PDE5A: variants seen among roughly 807,000 people sequenced by gnomAD.
PDE5A encodes phosphodiesterase 5A.
In PDE5A, 67 loss-of-function variants were observed where a neutral mutation model predicts 110.2. That is an observed-to-expected ratio of 0.61 (90% CI 0.50 to 0.75). The LOEUF (loss-of-function observed/expected upper bound fraction) is 0.75. Ranked by LOEUF, PDE5A falls within the 30% of genes least tolerant of loss-of-function variation. The pLI is 0.00. For synonymous variants in PDE5A, 328 were observed against 351.2 expected, an observed-to-expected ratio of 0.93 and a Z score of 0.74; for missense variants, 862 against 1,045.1, an observed-to-expected ratio of 0.82 and a Z score of 2.42.
At position 119,532,414 on chromosome 4, in the gene PDE5A, C is replaced by T. The variant is rs551173850; in HGVS notation, c.1632+6546G>A. On this transcript the variant is annotated intron_variant, in intron 11 of 20. Transcript: ENST00000354960. ...ATAGAGAATGTGAGTCCACATTTTA[C>T]TTTTTTCATTAAAGAGAATCTTTCC... Among the ~76,000 whole-genome samples the T allele has an allele frequency of 2.6e-5, 4 of 152,168 alleles. No homozygotes were observed. In the South Asian group the frequency reaches 8.3e-4, roughly 32 times the overall value.
Position 119,618,889 on chromosome 4 carries a change from G to T in PDE5A, c.152+9631C>A, listed in dbSNP as rs534480471. On this transcript the variant is annotated intron_variant, in intron 1 of 20. Transcript: ENST00000354960. ...TTACTTGGGTAAATCCTAAAAGTAG[G>T]GTGATACCAATCCTTGGACCTCAAA... 3.3e-5 allele frequency among the ~76,000 whole-genome samples: 5 copies of T among 152,086 alleles called. No individual in the cohort carries two copies. The South Asian group carries it at 1.0e-3, about 32-fold the overall frequency.
intron 11 of PDE5A, among the ~76,000 whole-genome samples, chr4:119,534,146 A>G (rs575448724): frequency 3.2e-4 from 48 of 152,320 alleles, no homozygotes; most frequent in African/African-American, 1.1e-3. Context: ...ACAAAAATCA[A>G]TGTCTCAATC....
chr4:119,556,173 A>G (rs1295435314), intron 7 of PDE5A, among the ~76,000 whole-genome samples: 1 of 152,192 alleles, frequency 6.6e-6, no homozygotes, highest in African/African-American at 2.4e-5. Context: ...TTGTCTGGAC[A>G]TATATGGCCA....
At chr4:119,505,793 A>G (rs1197999527) in intron 17 of PDE5A, 62 bp downstream of exon 17, 35 of 979,910 alleles carry the variant, frequency 3.6e-5, no homozygotes, top group Admixed American at 1.0e-4. Flanking sequence ...CAGTGAGGAA[A>G]AAATAGTGAG....
Position 119,565,355 on chromosome 4 carries a change from T to C in PDE5A, c.959A>G (p.Tyr320Cys), listed in dbSNP as rs371212980. The change falls in exon 5 of 21, where the codon TAT (tyrosine) becomes TGT (cysteine). Residue 320 changes from tyrosine (Y) to cysteine (C), a missense_variant. Transcript: ENST00000354960. Reference protein sequence around the residue: ...CGIVLHNAQLYETSLLENKRN... With the variant: ...CGIVLHNAQLCETSLLENKRN... ...CTTGTTCTCCAGCAGTGAAGTCTCA[T>C]AGAGCTGAGCATTATGAAGAACAAT... is the stretch of plus-strand genomic sequence containing the variant. 37 of 1,612,368 alleles carry C rather than the reference T, an allele frequency of 2.3e-5. No individual in the cohort carries two copies. Among genetic ancestry groups the C allele is most frequent in the Non-Finnish European group, 3.0e-5 (35 of 1,178,984 alleles).
At chr4:119,588,817 G>A (rs56173225) in intron 3 of PDE5A, among the ~76,000 whole-genome samples, 72,811 of 151,944 alleles carry the variant, frequency 0.48, 17,745 homozygotes, top group South Asian at 0.64. Context: ...TTTTTAAAAG[G>A]AAGATATACG....
At chr4:119,628,284 G>A (rs1278857313) in intron 1 of PDE5A, among the ~76,000 whole-genome samples, 1 of 152,222 alleles carries the variant, frequency 6.6e-6, no homozygotes, top group Admixed American at 6.5e-5. Flanking sequence ...AGAGGGTCGG[G>A]GGTGAGGGTG....
At chr4:119,616,673 G>T (rs1403692513) in intron 1 of PDE5A, among the ~76,000 whole-genome samples, 1 of 151,848 alleles carries the variant, frequency 6.6e-6, no homozygotes, top group Non-Finnish European at 1.5e-5. Context: ...TGCAGGAAAA[G>T]GCGAAAGTTG....
chr4:119,585,108 T>C (rs1391047538), intron 3 of PDE5A, among the ~76,000 whole-genome samples: 2 of 152,066 alleles, frequency 1.3e-5, no homozygotes, highest in African/African-American at 4.8e-5. Context: ...ACCCCATCTC[T>C]ACTAAAAATA....
At chr4:119,536,745 T>C (rs1446602951) in intron 11 of PDE5A, among the ~76,000 whole-genome samples, 1 of 152,132 alleles carries the variant, frequency 6.6e-6, no homozygotes, top group Non-Finnish European at 1.5e-5. Context: ...CTTTGTTCTG[T>C]CTAACTTACT....
chr4:119,549,708 ATAAT>A (rs1481852846), intron 9 of PDE5A: 1 of 152,218 alleles, frequency 6.6e-6, no homozygotes, highest in Non-Finnish European at 1.5e-5. Context: ...AGCAGGGAAA[ATAAT>A]TAGTTAAAAT....
intron 8 of PDE5A, among the ~76,000 whole-genome samples, chr4:119,553,399 G>T (rs1436970398): frequency 6.6e-6 from 1 of 151,946 alleles, no homozygotes; most frequent in African/African-American, 2.4e-5. Context: ...TTCAAAAATA[G>T]TACGGTAACT....
Position 119,612,791 on chromosome 4 carries a change from T to C in PDE5A, c.153-5494A>G, listed in dbSNP as rs544850905. On this transcript the variant is annotated intron_variant, in intron 1 of 20. Coordinates refer to ENST00000354960, the MANE Select transcript of PDE5A (RefSeq NM_001083.4). ...GCATCTGAAACTGTGAGCAACAAATTTGTGTTTATAAATTATCCAGTCTAA... is the reference window on the plus strand; with the variant it reads ...GCATCTGAAACTGTGAGCAACAAATCTGTGTTTATAAATTATCCAGTCTAA... Among the ~76,000 whole-genome samples the C allele has an allele frequency of 5.4e-3, 821 of 152,302 alleles. 3 individuals are homozygous for C. The highest frequency in any genetic ancestry group is 0.014 in the South Asian group (69 of 4,828).
At chr4:119,545,883 C>A (rs1442336582) in intron 9 of PDE5A, among the ~76,000 whole-genome samples, 1 of 152,136 alleles carries the variant, frequency 6.6e-6, no homozygotes, top group East Asian at 1.9e-4. Context: ...TATCACCTAT[C>A]TTGCAAATAC....
chr4:119,556,922 T>C (rs1282969930), intron 7 of PDE5A, among the ~76,000 whole-genome samples: 1 of 152,168 alleles, frequency 6.6e-6, no homozygotes, highest in African/African-American at 2.4e-5. Flanking sequence ...TAGTGAAAGA[T>C]TTTGAAAGTG....
chr4:119,625,984 T>C (rs2110571469), intron 1 of PDE5A, among the ~76,000 whole-genome samples: 2 of 152,348 alleles, frequency 1.3e-5, no homozygotes. Context: ...CACTTTATTA[T>C]AACTCTTAAA....
intron 3 of PDE5A, among the ~76,000 whole-genome samples, chr4:119,575,168 A>C (rs543980896): frequency 1.3e-5 from 2 of 152,352 alleles, no homozygotes; most frequent in East Asian, 3.9e-4. Flanking sequence ...CAAAGCCTCC[A>C]AGAAATATGG....
chr4:119,626,822 G>T (rs1385112155), intron 1 of PDE5A, among the ~76,000 whole-genome samples: 1 of 152,152 alleles, frequency 6.6e-6, no homozygotes, highest in Non-Finnish European at 1.5e-5. Context: ...GAAGGGCTGG[G>T]TTATTAAATT....
chr4:119,538,225 A>G (rs1461645336), intron 11 of PDE5A, among the ~76,000 whole-genome samples: 1 of 152,138 alleles, frequency 6.6e-6, no homozygotes, highest in Non-Finnish European at 1.5e-5. Flanking sequence ...GGGCACAAAG[A>G]GTTTAGCATG....
Sources: gnomAD v4.1 joint callset for allele counts (sites outside exome capture counted in the v4.1 genomes callset) on GRCh38, gnomAD v4.1.1 for gene constraint, MANE v1.5 for transcripts, NCBI Gene and HGNC (gene_info 2026-07-23, HGNC 2026-07-21) for gene names.